USH2A: variants seen among roughly 807,000 people sequenced by gnomAD.
USH2A encodes the protein Usher syndrome 2A (autosomal recessive, mild).
USH2A carries 443 observed loss-of-function variants against 538.9 expected under a neutral mutation model. The ratio of observed to expected loss-of-function variants is 0.82; its 90% CI spans 0.76 to 0.89. USH2A has a LOEUF of 0.89. USH2A is among the 40% of genes least tolerant of loss of function. The pLI is 0.00. For synonymous variants in USH2A, 2,413 were observed against 2,273.5 expected, an observed-to-expected ratio of 1.06 and a Z score of -1.75; for missense variants, 6,633 against 6,324.8, an observed-to-expected ratio of 1.05 and a Z score of -1.65.
chr1:216,344,470 G>A (rs1056614127), intron 4 of USH2A, among the ~76,000 whole-genome samples: 3 of 152,010 alleles, frequency 2.0e-5, no homozygotes, highest in African/African-American at 7.2e-5. Flanking sequence ...TTTACAAGAT[G>A]GAATTTTTGA....
At chr1:215,640,768 T>TAAC in intron 67 of USH2A, 34 bp from the exon 68 acceptor site, 2 of 1,595,226 alleles carry the variant, frequency 1.3e-6, no homozygotes. Flanking sequence ...CTAAAAAGGG[T>TAAC]AACCTCTTTG....
chr1:216,243,462 G>C (rs2035974213), intron 13 of USH2A, among the ~76,000 whole-genome samples: 1 of 152,124 alleles, frequency 6.6e-6, no homozygotes, highest in Non-Finnish European at 1.5e-5. Flanking sequence ...TAATAAAAGA[G>C]GCCCCAAGTT....
chr1:216,125,193 C>T (rs1326700705), intron 21 of USH2A, among the ~76,000 whole-genome samples: 7 of 151,590 alleles, frequency 4.6e-5, no homozygotes, highest in African/African-American at 7.3e-5. Context: ...TCTGAAGTTA[C>T]TGTCTCTCCT....
chr1:215,860,578 T>C (rs905771530), intron 44 of USH2A, among the ~76,000 whole-genome samples: 11 of 152,180 alleles, frequency 7.2e-5, no homozygotes, highest in African/African-American at 2.2e-4. Context: ...TAAAGTTTTA[T>C]TGGAACATGG....
chr1:215,973,109 A>G (rs1212421823), intron 35 of USH2A, among the ~76,000 whole-genome samples: 1 of 152,174 alleles, frequency 6.6e-6, no homozygotes, highest in Non-Finnish European at 1.5e-5. Flanking sequence ...GTGTTACAGA[A>G]TCTCTTAAAG....
intron 36 of USH2A, among the ~76,000 whole-genome samples, chr1:215,969,340 A>T (rs542624257): frequency 2.6e-5 from 4 of 152,196 alleles, no homozygotes; most frequent in African/African-American, 9.6e-5. Context: ...TTCCTATCAG[A>T]GCTTTGTGGC....
chr1:215,637,419 A>G (rs1412461595), intron 69 of USH2A, among the ~76,000 whole-genome samples: 2 of 152,246 alleles, frequency 1.3e-5, no homozygotes, highest in Non-Finnish European at 2.9e-5. Context: ...AACCATTGCA[A>G]AGAAAAAGTC....
At chr1:215,944,258 T>C (rs1040259819) in intron 37 of USH2A, among the ~76,000 whole-genome samples, 6 of 152,188 alleles carry the variant, frequency 3.9e-5, no homozygotes, top group African/African-American at 1.4e-4. Context: ...TGAGTAATTA[T>C]GGCAGAGACT....
At chr1:216,010,056 C>A (rs913837098) in intron 32 of USH2A, among the ~76,000 whole-genome samples, 3 of 152,102 alleles carry the variant, frequency 2.0e-5, no homozygotes, top group Non-Finnish European at 4.4e-5. Context: ...AATCTGCTCC[C>A]GACATTAAAT....
intron 35 of USH2A, among the ~76,000 whole-genome samples, chr1:215,977,088 C>A (rs7547908): frequency 1.3e-5 from 2 of 151,272 alleles, no homozygotes; most frequent in Non-Finnish European, 2.9e-5. Context: ...ATTATAAACA[C>A]CTCTATGTAC....
chr1:215,943,819 A>C (rs1479168016), intron 37 of USH2A, among the ~76,000 whole-genome samples: 1 of 152,188 alleles, frequency 6.6e-6, no homozygotes, highest in Non-Finnish European at 1.5e-5. Flanking sequence ...AGCTTTCCTG[A>C]CAACTTTTTG....
At chr1:215,872,976 G>C (rs1368524368) in intron 43 of USH2A, among the ~76,000 whole-genome samples, 1 of 152,024 alleles carries the variant, frequency 6.6e-6, no homozygotes, top group Non-Finnish European at 1.5e-5. Flanking sequence ...TTCTTGTACA[G>C]CCTGCAGAAC....
intron 38 of USH2A, among the ~76,000 whole-genome samples, chr1:215,933,329 A>G (rs1447708046): frequency 6.6e-6 from 1 of 151,926 alleles, no homozygotes; most frequent in East Asian, 1.9e-4. Context: ...AGTTTGTTTT[A>G]TTTTGGGTTT....
Position 215,790,091 on chromosome 1 carries a change from A to T in USH2A, c.10150T>A (p.Ser3384Thr). 2 of 1,613,168 alleles carry T rather than the reference A, an allele frequency of 1.2e-6. No individual in the cohort carries two copies. The highest frequency in any genetic ancestry group is 1.7e-6 in the Non-Finnish European group (2 of 1,179,910). ...ATCATTCCAGTTGAAATCTTGTCAG[A>T]GCAAACATATTTCAAAGGATTATAT... ...VGYNPLKYVCSDKISTGMMMK... is the reference protein window; with the variant it reads ...VGYNPLKYVCTDKISTGMMMK... Residue 3384 changes from serine to threonine, a missense_variant, in exon 51 of 72, where the codon TCT becomes ACT. Transcript: ENST00000307340.
intron 71 of USH2A, among the ~76,000 whole-genome samples, chr1:215,627,456 C>CTTT (rs1417746337): frequency 5.7e-5 from 8 of 140,878 alleles, no homozygotes; most frequent in African/African-American, 1.0e-4. Context: ...TTCCTTCCTT[C>CTTT]CTTCCTTCCT....
chr1:215,871,788 T>C (rs1433368418), intron 43 of USH2A, among the ~76,000 whole-genome samples: 2 of 152,192 alleles, frequency 1.3e-5, no homozygotes, highest in Non-Finnish European at 2.9e-5. Flanking sequence ...AATTTAACCA[T>C]ATCCAGCTGG....
At chr1:216,410,483 T>C (rs2039469881) in intron 3 of USH2A, among the ~76,000 whole-genome samples, 1 of 152,030 alleles carries the variant, frequency 6.6e-6, no homozygotes, top group South Asian at 2.1e-4. Context: ...TGATATTTTC[T>C]TTTGTTACAC....
intron 16 of USH2A, among the ~76,000 whole-genome samples, chr1:216,205,093 A>T (rs140595085): frequency 8.0e-4 from 122 of 152,330 alleles, no homozygotes; most frequent in African/African-American, 2.7e-3. Context: ...TACTATGGAA[A>T]TCATGCCTCT....
At chr1:216,355,328 AAAG>A (rs1204502529) in intron 4 of USH2A, among the ~76,000 whole-genome samples, 11 of 110,080 alleles carry the variant, frequency 1.0e-4, no homozygotes, top group African/African-American at 3.2e-4. Context: ...AGAAAGAAAG[AAAG>A]AAAGAAAGAA....
Sources: gnomAD v4.1 joint callset for allele counts (sites outside exome capture counted in the v4.1 genomes callset) on GRCh38, gnomAD v4.1.1 for gene constraint, MANE v1.5 for transcripts, NCBI Gene and HGNC (gene_info 2026-07-23, HGNC 2026-07-21) for gene names.